The following SLC26A5 variants were observed in gnomAD, a reference collection of about 807,000 sequenced individuals.
SLC26A5 encodes prestin.
In SLC26A5, 51 loss-of-function variants were observed where a neutral mutation model predicts 81.0. That is an observed-to-expected ratio of 0.63 (90% confidence interval 0.50 to 0.80). The LOEUF is 0.80. Ranked by LOEUF, SLC26A5 falls within the 30% of genes least tolerant of loss-of-function variation. SLC26A5 has a pLI of 0.00. For synonymous variants in SLC26A5, 325 were observed against 332.8 expected (o/e 0.98, Z 0.25); for missense variants, 771 against 905.8 (o/e 0.85, Z 1.91).
intron 8 of SLC26A5, among the ~76,000 whole-genome samples, chr7:103,407,473 A>G (rs1475002286): frequency 6.6e-6 from 1 of 152,220 alleles, no homozygotes; most frequent in Non-Finnish European, 1.5e-5. Flanking sequence ...CAAGGGATGG[A>G]GAAAGTTTGG....
chr7:103,361,872 G>A, intron 19 of SLC26A5: 1 of 1,341,876 alleles, frequency 7.5e-7, no homozygotes, highest in South Asian at 1.5e-5. Context: ...CCTGTATATT[G>A]CACACTCAGG....
chr7:103,433,765 C>T (rs536400960), intron 2 of SLC26A5, among the ~76,000 whole-genome samples: 13 of 142,794 alleles, frequency 9.1e-5, no homozygotes, highest in Admixed American at 2.1e-4. Flanking sequence ...TGCAGTGATG[C>T]GATCTGGGCT....
chr7:103,429,052 C>T (rs1825889876), intron 2 of SLC26A5, among the ~76,000 whole-genome samples: 1 of 152,188 alleles, frequency 6.6e-6, no homozygotes, highest in African/African-American at 2.4e-5. Flanking sequence ...GTTTCCTTAT[C>T]TTTAAATGTT....
intron 2 of SLC26A5, among the ~76,000 whole-genome samples, chr7:103,429,180 T>A (rs746168694): frequency 3.9e-5 from 6 of 152,240 alleles, no homozygotes; most frequent in Non-Finnish European, 7.3e-5. Context: ...CCATCATCAG[T>A]AAAGTAATGC....
At chr7:103,360,061 G>A (rs1302501655) in intron 19 of SLC26A5, among the ~76,000 whole-genome samples, 2 of 150,604 alleles carry the variant, frequency 1.3e-5, no homozygotes, top group African/African-American at 4.9e-5. Context: ...AGCCTGGGCA[G>A]CAGTGAGATT....
chr7:103,378,657 G>C (rs1821541548), intron 16 of SLC26A5, 104 bp from the exon 17 acceptor site: 3 of 993,214 alleles, frequency 3.0e-6, no homozygotes, highest in Non-Finnish European at 4.8e-6. Context: ...TTCTGGGTCA[G>C]ATTATCACCC....
intron 19 of SLC26A5, chr7:103,355,863 G>A: frequency 9.5e-7 from 1 of 1,057,236 alleles, no homozygotes. Flanking sequence ...AGAGTCTCAG[G>A]GATAATGCAA....
intron 4 of SLC26A5, among the ~76,000 whole-genome samples, chr7:103,414,194 T>A (rs1330358750): frequency 7.1e-6 from 1 of 140,830 alleles, no homozygotes; most frequent in Non-Finnish European, 1.5e-5. Flanking sequence ...CCCCCCCTTT[T>A]TTTTTTTTTA....
At chr7:103,442,750 G>C (rs1826972642) in intron 2 of SLC26A5, among the ~76,000 whole-genome samples, 1 of 152,174 alleles carries the variant, frequency 6.6e-6, no homozygotes, top group Non-Finnish European at 1.5e-5. Flanking sequence ...GGCAGAGCTT[G>C]GCTTAAAACC....
intron 14 of SLC26A5, among the ~76,000 whole-genome samples, chr7:103,383,427 C>A (rs151091495): frequency 6.6e-6 from 1 of 152,246 alleles, no homozygotes; most frequent in Non-Finnish European, 1.5e-5. Context: ...GATGAACAGG[C>A]CTTCCTGACG....
chr7:103,373,824 T>C (rs1459743037), downstream of SLC26A5, among the ~76,000 whole-genome samples: 1 of 152,240 alleles, frequency 6.6e-6, no homozygotes, highest in African/African-American at 2.4e-5. Flanking sequence ...GGAAGGATAT[T>C]AACAGTGGTA....
chr7:103,444,390 C>G (rs968193847), intron 1 of SLC26A5, among the ~76,000 whole-genome samples: 3 of 152,142 alleles, frequency 2.0e-5, no homozygotes, highest in Non-Finnish European at 4.4e-5. Flanking sequence ...AGACTACCTG[C>G]AACGGTAGAA....
At chr7:103,400,700 G>A (rs959694724) in intron 8 of SLC26A5, among the ~76,000 whole-genome samples, 1 of 152,164 alleles carries the variant, frequency 6.6e-6, no homozygotes, top group South Asian at 2.1e-4. Flanking sequence ...ACGGTTTTAG[G>A]CCTTAACATT....
At chr7:103,402,614 T>C (rs1194222382) in intron 8 of SLC26A5, among the ~76,000 whole-genome samples, 1 of 152,066 alleles carries the variant, frequency 6.6e-6, no homozygotes, top group Non-Finnish European at 1.5e-5. Context: ...TTGGCCAATA[T>C]GGTCTTGATC....
At chr7:103,432,367 T>G (rs536580286) in intron 2 of SLC26A5, among the ~76,000 whole-genome samples, 1 of 152,354 alleles carries the variant, frequency 6.6e-6, no homozygotes, top group South Asian at 2.1e-4. Flanking sequence ...TTGTTGGAGC[T>G]TCTCCTGTCA....
At chr7:103,392,869 T>C (rs372829924) in intron 10 of SLC26A5, 50 bp downstream of exon 10, 25 of 1,607,678 alleles carry the variant, frequency 1.6e-5, no homozygotes, top group Non-Finnish European at 2.0e-5. Flanking sequence ...GAGCCAGACA[T>C]TGGTGATTGT....
intron 19 of SLC26A5, chr7:103,363,503 T>A: frequency 7.1e-7 from 1 of 1,399,840 alleles, no homozygotes; most frequent in Non-Finnish European, 1.0e-6. Flanking sequence ...TATTGAGCAC[T>A]AAAATTGCTT....
At chr7:103,371,757 G>A (rs1395229193), downstream of SLC26A5, among the ~76,000 whole-genome samples, 3 of 147,980 alleles carry the variant, frequency 2.0e-5, no homozygotes, top group East Asian at 2.0e-4. Context: ...GTGCAATGGC[G>A]TGGTCTCGGC....
At chr7:103,405,933 T>A (rs1390604022) in intron 8 of SLC26A5, among the ~76,000 whole-genome samples, 2 of 152,162 alleles carry the variant, frequency 1.3e-5, no homozygotes, top group Non-Finnish European at 2.9e-5. Context: ...TGAGCTGCGG[T>A]GGAATCCACC....
Sources: allele counts gnomAD v4.1 joint callset (sites outside exome capture counted in the v4.1 genomes callset), GRCh38; gene constraint gnomAD v4.1.1; transcripts MANE v1.5; gene names NCBI Gene and HGNC (gene_info 2026-07-23, HGNC 2026-07-21).